Variants in SEMA3E observed in about 807,000 individuals in gnomAD.
SEMA3E encodes the protein semaphorin 3E, also known as semaphorin-3E.
SEMA3E carries 49 observed loss-of-function variants against 93.6 expected under a neutral mutation model. The observed-to-expected ratio is 0.52, with a 90% CI of 0.42 to 0.66. The LOEUF is 0.66. Among genes scored for constraint, SEMA3E ranks in the 30% least tolerant of loss-of-function variants. SEMA3E has a pLI of 0.00. For synonymous variants in SEMA3E, 363 were observed against 330.7 expected (o/e 1.10, Z -1.06); for missense variants, 906 against 964.8 (o/e 0.94, Z 0.81).
intron 1 of SEMA3E, among the ~76,000 whole-genome samples, chr7:83,594,548 C>T (rs553802277): frequency 6.6e-5 from 10 of 152,040 alleles, no homozygotes; most frequent in East Asian, 1.9e-4. Context: ...AGAGGATGAG[C>T]GCAAACCTTC....
chr7:83,477,210 A>G lies in SEMA3E; in HGVS notation c.277-7908T>C, dbSNP rs1288923118. 5.9e-5 allele frequency among the ~76,000 whole-genome samples: 9 copies of G among 152,254 alleles called. No individual in the cohort carries two copies. The East Asian group carries it at 1.5e-3, about 26-fold the overall frequency. ...GAGTAAATAAAACAATTCAGTTAAT[A>G]TAAGTCTATCTTCATAGAATATATT... is the stretch of plus-strand genomic sequence containing the variant. On this transcript the variant is annotated intron_variant, in intron 2 of 16. Transcript: ENST00000643230.
At chr7:83,489,907 G>C (rs1162846738) in intron 2 of SEMA3E, among the ~76,000 whole-genome samples, 2 of 152,106 alleles carry the variant, frequency 1.3e-5, no homozygotes, top group East Asian at 3.9e-4. Flanking sequence ...TGGAAATCCA[G>C]GTATCAGTGT....
intron 1 of SEMA3E, among the ~76,000 whole-genome samples, chr7:83,495,016 TG>T (rs1251001169): frequency 6.6e-6 from 1 of 151,902 alleles, no homozygotes; most frequent in East Asian, 1.9e-4. Context: ...ACATGAAGCA[TG>T]TTTCAATTCC....
chr7:83,530,826 C>T (rs893409195), intron 1 of SEMA3E, among the ~76,000 whole-genome samples: 9 of 152,010 alleles, frequency 5.9e-5, no homozygotes, highest in Non-Finnish European at 1.0e-4. Context: ...TGCAGTGAGC[C>T]AAGATTGCGC....
intron 1 of SEMA3E, among the ~76,000 whole-genome samples, chr7:83,628,276 CTCTTCTCAAGGTTA>C (rs1366900484): frequency 6.6e-6 from 1 of 151,978 alleles, no homozygotes; most frequent in Admixed American, 6.6e-5. Context: ...CTTGGGGTTG[CTCTTCTCAAGGTTA>C]TCTTCATGGT....
At chr7:83,632,155 C>CAA (rs61218994) in intron 1 of SEMA3E, among the ~76,000 whole-genome samples, 8 of 90,848 alleles carry the variant, frequency 8.8e-5, no homozygotes, top group African/African-American at 2.9e-4. Context: ...AACTCCATCT[C>CAA]AAAAAAAAAA....
At chr7:83,402,398 C>T (rs1788248755) in intron 10 of SEMA3E, among the ~76,000 whole-genome samples, 3 of 151,336 alleles carry the variant, frequency 2.0e-5, no homozygotes, top group African/African-American at 7.3e-5. Flanking sequence ...AATAATAGTA[C>T]ATATTTTATA....
intron 10 of SEMA3E, among the ~76,000 whole-genome samples, chr7:83,401,152 T>C (rs1166418103): frequency 6.6e-6 from 1 of 152,166 alleles, no homozygotes; most frequent in African/African-American, 2.4e-5. Context: ...ATTTTTAAAC[T>C]ACTGACTAAA....
Position 83,367,790 on chromosome 7 carries a change from T to C in SEMA3E, c.2124A>G (p.Pro708=), listed in dbSNP as rs763006825. 1.4e-5 allele frequency: 22 copies of C among 1,613,996 alleles called. No individual in the cohort carries two copies. The highest frequency in any genetic ancestry group is 2.2e-5 in the East Asian group (1 of 44,884). ...TCAGCTGCAAGAATTCCTTGTACCA[T>C]GGTTTTGCTCCCTGCGAGATGCTAC... ...AQSSISQGAK[P]WYKEFLQLIG... The change falls in exon 17 of 17, where the codon CCA becomes CCG. Residue 708 remains proline, a synonymous_variant. Transcript: ENST00000643230.
At chr7:83,400,730 T>A (rs1307581435) in intron 10 of SEMA3E, among the ~76,000 whole-genome samples, 1 of 152,202 alleles carries the variant, frequency 6.6e-6, no homozygotes. Flanking sequence ...GTATAGTTAC[T>A]ATCAAGACTT....
At chr7:83,380,453 C>T (rs116659678) in intron 16 of SEMA3E, among the ~76,000 whole-genome samples, 1,877 of 152,010 alleles carry the variant, frequency 0.012, 42 homozygotes, top group African/African-American at 0.041. Context: ...GATCTGTCTA[C>T]TCATTTTTGC....
chr7:83,460,129 C>G (rs978801642), intron 4 of SEMA3E, among the ~76,000 whole-genome samples: 1 of 152,174 alleles, frequency 6.6e-6, no homozygotes, highest in African/African-American at 2.4e-5. Flanking sequence ...AATTTGGTGC[C>G]GTGATTCAGA....
chr7:83,465,228 TTC>T (rs1359202913), intron 4 of SEMA3E, among the ~76,000 whole-genome samples: 3 of 151,940 alleles, frequency 2.0e-5, no homozygotes, highest in African/African-American at 7.3e-5. Flanking sequence ...GACTGTAATT[TTC>T]TTTTACCTAC....
chr7:83,638,881 G>A (rs188076119), intron 1 of SEMA3E, among the ~76,000 whole-genome samples: 2,632 of 151,704 alleles, frequency 0.017, 77 homozygotes, highest in African/African-American at 0.059. Flanking sequence ...GGAGGCCGAG[G>A]CGGGCGGATC....
rs1422424455 is a variant in SEMA3E, at chr7:83,561,476, C to T, written c.116-71202G>A. 2.0e-5 allele frequency among the ~76,000 whole-genome samples: 3 copies of T among 152,038 alleles called. No homozygotes were observed. The South Asian group carries it at 6.2e-4, about 31-fold the overall frequency. ...CTCTTTCCTGTTTTTTGCCTGCCTC[C>T]TAATCCCTAATCATATTCTTTCCTC... On this transcript the variant is annotated intron_variant, in intron 1 of 16. Coordinates refer to ENST00000643230, the MANE Select transcript of SEMA3E (RefSeq NM_012431.3).
intron 1 of SEMA3E, among the ~76,000 whole-genome samples, chr7:83,580,666 A>G (rs1166875185): frequency 1.3e-5 from 2 of 151,962 alleles, no homozygotes; most frequent in Admixed American, 6.6e-5. Context: ...TGACTTTTCC[A>G]CGTGATAAAT....
At chr7:83,540,690 G>A (rs1791513570) in intron 1 of SEMA3E, among the ~76,000 whole-genome samples, 2 of 152,124 alleles carry the variant, frequency 1.3e-5, no homozygotes, top group South Asian at 4.1e-4. Flanking sequence ...TAAAGATGTA[G>A]GTTCCTTAAT....
At chr7:83,596,366 T>C (rs1792871876) in intron 1 of SEMA3E, among the ~76,000 whole-genome samples, 1 of 152,068 alleles carries the variant, frequency 6.6e-6, no homozygotes, top group Admixed American at 6.6e-5. Context: ...CCCTGGCTTC[T>C]TTTAACGGAG....
Position 83,392,483 on chromosome 7 carries a change from T to TA in SEMA3E, c.1667+71dup, listed in dbSNP as rs58582279. 1.6e-5 allele frequency: 23 copies of TA among 1,465,656 alleles called. No individual in the cohort carries two copies. In the African/African-American group the frequency reaches 2.9e-4, roughly 19 times the overall value. The allele number at this position is 1,465,656 out of a possible 1,614,324, so 90.8% of individuals were successfully genotyped here. A position where few individuals can be genotyped will look rare whatever the true frequency, so the allele number is the denominator to read the frequency against. ...AGGTATTTTCTGGAAAACTTCAAGT[T>TA]AAAAAAAAAAAAAAAAAAGCATTAG... On this transcript the variant is annotated intron_variant, in intron 14 of 16. Transcript: ENST00000643230.
Sources: allele counts gnomAD v4.1 joint callset (sites outside exome capture counted in the v4.1 genomes callset), GRCh38; gene constraint gnomAD v4.1.1; transcripts MANE v1.5; gene names NCBI Gene and HGNC (gene_info 2026-07-23, HGNC 2026-07-21).